Variants in CSMD2 observed in about 807,000 individuals in gnomAD.
CSMD2 encodes CUB and sushi domain-containing protein 2.
A neutral mutation model predicts 398.5 loss-of-function variants in CSMD2; 130 were observed. The ratio of observed to expected loss-of-function variants is 0.33; its 90% CI spans 0.28 to 0.38. CSMD2 has a LOEUF of 0.38. CSMD2 is among the 10% of genes least tolerant of loss of function. The pLI is 1.00. For missense variants in CSMD2, 3,829 were observed against 4,764.9 expected (o/e 0.80, Z 5.78); for synonymous variants, 1,828 against 1,908.5 (o/e 0.96, Z 1.10).
At chr1:34,106,192 T>C (rs977581812) in intron 1 of CSMD2, among the ~76,000 whole-genome samples, 1 of 152,044 alleles carries the variant, frequency 6.6e-6, no homozygotes, top group Non-Finnish European at 1.5e-5. Flanking sequence ...ACATGGCCCA[T>C]CTTACTAGCC....
At chr1:33,652,494 C>T (rs1191338637) in intron 27 of CSMD2, 33 bp from the exon 28 acceptor site, 3 of 1,609,122 alleles carry the variant, frequency 1.9e-6, no homozygotes, top group Non-Finnish European at 2.6e-6. Flanking sequence ...GTGAGGCTGC[C>T]TCTTCACCCT....
At position 33,636,250 on chromosome 1, in the gene CSMD2, G is replaced by A. The variant is rs1642793556; in HGVS notation, c.4969+110C>T. ...CAAACCCAGGTTTGCCAGGCTTGGAGGAGCCGGGCTTGAGGACCTTGCCCC... is the reference window on the plus strand; with the variant it reads ...CAAACCCAGGTTTGCCAGGCTTGGAAGAGCCGGGCTTGAGGACCTTGCCCC... On this transcript the variant is annotated intron_variant, in intron 30 of 70. Coordinates refer to ENST00000373381, the MANE Select transcript of CSMD2 (RefSeq NM_001281956.2). This position sits in a 1 kb window ranked among gnomAD's most constrained non-coding sequence, Gnocchi z 4.8. 5.6e-6 allele frequency: 6 copies of A among 1,075,806 alleles called. No individual in the cohort carries two copies. The highest frequency in any genetic ancestry group is 5.3e-6 in the Non-Finnish European group (4 of 755,592). The allele number at this position is 1,075,806 out of a possible 1,614,324, so 66.6% of individuals were successfully genotyped here.
At chr1:34,088,504 G>C (rs1658178020) in intron 2 of CSMD2, among the ~76,000 whole-genome samples, 1 of 152,106 alleles carries the variant, frequency 6.6e-6, no homozygotes, top group Admixed American at 6.5e-5. Flanking sequence ...GGGTTAAGAG[G>C]GTGAGAACTC....
rs1658867486 is a variant in CSMD2, at chr1:34,093,278, C to A, written c.188-4085G>T. On this transcript the variant is annotated intron_variant, in intron 1 of 70. Coordinates refer to ENST00000373381, the MANE Select transcript of CSMD2 (RefSeq NM_001281956.2). ...TCTGTACATCGCCATCATCAAAGAC[C>A]AAAAGTAGATAAAACCACAAAGATG... Among the ~76,000 whole-genome samples, 3 of 152,264 alleles carry A rather than the reference C, an allele frequency of 2.0e-5. No homozygotes were observed. In the East Asian group the frequency reaches 5.8e-4, roughly 29 times the overall value.
chr1:33,949,056 T>A (rs1271765089), intron 3 of CSMD2, among the ~76,000 whole-genome samples: 2 of 152,132 alleles, frequency 1.3e-5, no homozygotes, highest in Non-Finnish European at 2.9e-5. Flanking sequence ...GGGTTCATGG[T>A]CAAACCCCAG....
chr1:33,768,904 G>C (rs1650904769), intron 13 of CSMD2, among the ~76,000 whole-genome samples: 1 of 152,152 alleles, frequency 6.6e-6, no homozygotes, highest in African/African-American at 2.4e-5. Flanking sequence ...GAGCAATTAG[G>C]ATTCACATCT....
intron 2 of CSMD2, among the ~76,000 whole-genome samples, chr1:34,068,893 T>G (rs1655410307): frequency 6.6e-6 from 1 of 152,234 alleles, no homozygotes; most frequent in African/African-American, 2.4e-5. Flanking sequence ...AGATGTGACT[T>G]GCTCCTCCTT....
chr1:33,600,668 C>T, intron 44 of CSMD2, 197 bp downstream of exon 44: 1 of 612,336 alleles, frequency 1.6e-6, no homozygotes, highest in East Asian at 2.8e-5. Context: ...GGAAAACTTG[C>T]ATTTACAGAA....
intron 1 of CSMD2, among the ~76,000 whole-genome samples, chr1:34,106,889 A>C (rs74903008): frequency 0.027 from 4,050 of 152,332 alleles, 75 homozygotes; most frequent in African/African-American, 0.045. Context: ...TTAACACAGA[A>C]GCCACCATTG....
chr1:33,819,962 ACT>A (rs1657920445), intron 8 of CSMD2, 125 bp from the exon 9 acceptor site: 1 of 1,222,400 alleles, frequency 8.2e-7, no homozygotes, highest in Non-Finnish European at 1.1e-6. Flanking sequence ...TCTCTGCTCC[ACT>A]GTTTTATCAC....
intron 3 of CSMD2, among the ~76,000 whole-genome samples, chr1:34,017,037 T>C (rs1648228814): frequency 6.6e-6 from 1 of 152,226 alleles, no homozygotes; most frequent in African/African-American, 2.4e-5. Flanking sequence ...TAATGGTACA[T>C]CTTACAGTCA....
rs1655438774 is a variant in CSMD2, at chr1:33,533,359, C to G, written c.9992-130G>C. On this transcript the variant is annotated intron_variant, in intron 63 of 70. Coordinates refer to ENST00000373381, the MANE Select transcript of CSMD2 (RefSeq NM_001281956.2). The surrounding 1 kb of genome is among the most constrained non-coding windows in gnomAD (Gnocchi z 4.2). ...TCCAGTCCCTTTCATGCCAAGCATC[C>G]CCCTCCCTAATCCTCCACCCTAACC... 1.2e-6 allele frequency: 1 copy of G among 837,004 alleles called. No individual in the cohort carries two copies. Among genetic ancestry groups the G allele is most frequent in the East Asian group, 2.7e-5 (1 of 37,374 alleles). 51.8% of individuals were successfully genotyped at this position (837,004 alleles called of 1,614,324 possible).
intron 10 of CSMD2, among the ~76,000 whole-genome samples, chr1:33,793,235 AG>A (rs1654537187): frequency 6.6e-6 from 1 of 152,040 alleles, no homozygotes; most frequent in African/African-American, 2.4e-5. Context: ...ACCCAGCTGG[AG>A]TCAGGGGCAG....
intron 10 of CSMD2, among the ~76,000 whole-genome samples, chr1:33,793,063 C>T (rs1310852718): frequency 6.6e-6 from 1 of 152,250 alleles, no homozygotes; most frequent in Non-Finnish European, 1.5e-5. Context: ...ATTTACTAAG[C>T]ACTCCCCATA....
chr1:33,770,598 C>T (rs1026872552), intron 13 of CSMD2, among the ~76,000 whole-genome samples: 1 of 152,242 alleles, frequency 6.6e-6, no homozygotes, highest in Non-Finnish European at 1.5e-5. Context: ...TCCTCTTACT[C>T]TCCAATGTCC....
chr1:34,067,581 C>T (rs960747101), intron 2 of CSMD2, among the ~76,000 whole-genome samples: 3 of 152,220 alleles, frequency 2.0e-5, no homozygotes, highest in Non-Finnish European at 2.9e-5. Flanking sequence ...GCACCAGCAT[C>T]ACCTGTGAGC....
At chr1:34,044,024 C>T (rs750946675) in intron 2 of CSMD2, among the ~76,000 whole-genome samples, 7 of 152,168 alleles carry the variant, frequency 4.6e-5, no homozygotes, top group Non-Finnish European at 1.0e-4. Flanking sequence ...AGCCATCGCC[C>T]CAGGATGCAC....
intron 9 of CSMD2, among the ~76,000 whole-genome samples, chr1:33,818,764 G>T (rs1451982183): frequency 6.6e-6 from 1 of 152,100 alleles, no homozygotes; most frequent in Non-Finnish European, 1.5e-5. Context: ...GATTACTTAT[G>T]GACTCAGTTA....
In CSMD2 at chr1:33,541,218, G is replaced by A. The variant is rs777706952; in HGVS notation, c.9369C>T (p.Val3123=). ...RYNKTVTYQC[V]PGYMMESHRV... ...TATGTGACTCCATCATATAGCCAGG[G>A]ACACACTGATATGTCACAGTTTTGT... Residue 3123 remains valine (V), a synonymous_variant, in exon 59 of 71, where the codon GTC becomes GTT. Transcript: ENST00000373381. 9 of 1,614,034 alleles carry A rather than the reference G, an allele frequency of 5.6e-6. No individual in the cohort carries two copies. The highest frequency in any genetic ancestry group is 7.6e-6 in the Non-Finnish European group (9 of 1,179,932).
Sources: gnomAD v4.1 joint callset for allele counts (sites outside exome capture counted in the v4.1 genomes callset) on GRCh38, gnomAD v4.1.1 for gene constraint, Gnocchi (gnomAD v3.1) non-coding constraint, MANE v1.5 for transcripts, NCBI Gene and HGNC (gene_info 2026-07-23, HGNC 2026-07-21) for gene names.